THADA: variants seen among roughly 807,000 people sequenced by gnomAD.
THADA encodes THADA armadillo repeat containing, also known as tRNA (32-2'-O)-methyltransferase regulator THADA.
THADA carries 213 observed loss-of-function variants against 219.8 expected under a neutral mutation model. The ratio of observed to expected loss-of-function variants is 0.97; its 90% CI spans 0.87 to 1.09. The LOEUF (loss-of-function observed/expected upper bound fraction) is 1.09, where lower values mean the gene tolerates loss of function less well. THADA is among the 50% of genes least tolerant of loss of function. THADA has a pLI of 0.00. For synonymous variants in THADA, 1,018 were observed against 828.9 expected, an observed-to-expected ratio of 1.23 and a Z score of -3.92; for missense variants, 2,956 against 2,311.3, an observed-to-expected ratio of 1.28 and a Z score of -5.72.
intron 35 of THADA, among the ~76,000 whole-genome samples, chr2:43,286,505 C>T (rs1020197806): frequency 3.1e-4 from 47 of 152,216 alleles, no homozygotes; most frequent in Middle Eastern, 3.4e-3. Context: ...CTTTGGGAGG[C>T]TGAGGTGGGT....
intron 36 of THADA, among the ~76,000 whole-genome samples, chr2:43,240,015 C>T (rs952534744): frequency 2.6e-5 from 4 of 152,162 alleles, no homozygotes; most frequent in East Asian, 1.9e-4. Flanking sequence ...CTGACCCACA[C>T]GAAGTGTGAC....
At chr2:43,586,756 C>A (rs1057076453) in intron 5 of THADA, 22 bp from the exon 6 acceptor site, 2 of 1,611,776 alleles carry the variant, frequency 1.2e-6, no homozygotes, top group Non-Finnish European at 1.7e-6. Context: ...AAAATGAACA[C>A]TGGTAAGGAG....
chr2:43,574,262 T>C, intron 11 of THADA, 74 bp downstream of exon 11: 1 of 973,324 alleles, frequency 1.0e-6, no homozygotes, highest in African/African-American at 1.6e-5. Context: ...TTGAATATGA[T>C]TAGTATCTGC....
Position 43,571,725 on chromosome 2 carries a change from G to A in THADA, c.2046C>T (p.Ile682=). Residue 682 remains isoleucine (I), a synonymous_variant, in exon 13 of 38, where the codon ATC becomes ATT. Coordinates refer to ENST00000405975, the MANE Select transcript of THADA (RefSeq NM_022065.5). ...ATTCTACCTTTTTAAGAAGAGAACA[G>A]ATCTGTTGCCGCACTCCTGGAGACT... ...NSQSPGVRQQ[I]CSLLKKLFCR... 2 of 1,613,672 alleles carry A rather than the reference G, an allele frequency of 1.2e-6. No homozygotes were observed. The highest frequency in any genetic ancestry group is 8.5e-7 in the Non-Finnish European group (1 of 1,179,740).
chr2:43,489,812 T>C (rs1056687693), intron 25 of THADA, among the ~76,000 whole-genome samples: 2 of 150,864 alleles, frequency 1.3e-5, no homozygotes, highest in African/African-American at 2.5e-5. Flanking sequence ...AACTTTGTTC[T>C]TTTTCAAGAT....
intron 34 of THADA, 75 bp from the exon 35 acceptor site, chr2:43,287,136 C>T: frequency 7.1e-7 from 1 of 1,418,404 alleles, no homozygotes; most frequent in East Asian, 2.5e-5. Flanking sequence ...GGGTGACCTA[C>T]ACCAAACTGG....
chr2:43,366,454 T>C (rs1376717927), intron 29 of THADA, among the ~76,000 whole-genome samples: 1 of 152,160 alleles, frequency 6.6e-6, no homozygotes, highest in African/African-American at 2.4e-5. Context: ...CAATCTCCAA[T>C]TTCTCAGATC....
rs764094980 is a variant in THADA, at chr2:43,593,630, C to CTT, written c.-24-1216_-24-1215dup. Among the ~76,000 whole-genome samples the CTT allele has an allele frequency of 8.8e-3, 1,127 of 127,600 alleles. 34 individuals carry two copies. The highest frequency in any genetic ancestry group is 0.031 in the African/African-American group (997 of 31,980). The allele number at this position is 127,600 out of a possible 152,430, so 83.7% of individuals were successfully genotyped here. Reference sequence around the variant, plus strand: ...AATAGATTTATTTGTCTACTACAGACTTTTTTTTTTTTTTTTTTTTTGAGA... The same window carrying CTT: ...AATAGATTTATTTGTCTACTACAGACTTTTTTTTTTTTTTTTTTTTTTTGAGA... On this transcript the variant is annotated intron_variant, in intron 1 of 37. Transcript: ENST00000405975.
intron 29 of THADA, among the ~76,000 whole-genome samples, chr2:43,363,484 T>C (rs1393256972): frequency 1.3e-5 from 2 of 152,238 alleles, no homozygotes; most frequent in African/African-American, 2.4e-5. Flanking sequence ...CATATCTCCA[T>C]AACAGGGAGT....
rs565721105 is a variant in THADA, at chr2:43,580,312, T to C, written c.721+1429A>G. Among the ~76,000 whole-genome samples the C allele has an allele frequency of 1.7e-4, 26 of 152,158 alleles. No homozygotes were observed. The South Asian group carries it at 5.2e-3, about 30-fold the overall frequency. ...CCTTGGCCTCCCAAAGTGCTGGGAT[T>C]ACAGGCATGAGCCACCACACCCGGC... On this transcript the variant is annotated intron_variant, in intron 8 of 37. Transcript: ENST00000405975.
intron 29 of THADA, among the ~76,000 whole-genome samples, chr2:43,378,586 G>A (rs997725671): frequency 6.6e-6 from 1 of 152,154 alleles, no homozygotes; most frequent in African/African-American, 2.4e-5. Flanking sequence ...AATAACAGAT[G>A]TCATAGACAA....
chr2:43,552,937 T>C (rs1696921130), intron 17 of THADA, among the ~76,000 whole-genome samples: 3 of 152,208 alleles, frequency 2.0e-5, no homozygotes, highest in African/African-American at 7.2e-5. Flanking sequence ...GGCAAATCTA[T>C]AGACAGAAAA....
At chr2:43,542,097 T>C (rs556519530) in intron 20 of THADA, among the ~76,000 whole-genome samples, 2 of 152,336 alleles carry the variant, frequency 1.3e-5, no homozygotes, top group Admixed American at 1.3e-4. Flanking sequence ...ATTCTAGTTT[T>C]AGGAGTATTT....
At chr2:43,370,885 G>C (rs1670722113) in intron 29 of THADA, among the ~76,000 whole-genome samples, 1 of 152,196 alleles carries the variant, frequency 6.6e-6, no homozygotes, top group Non-Finnish European at 1.5e-5. Context: ...ACCTCAGCAA[G>C]ATGTCAACTA....
intron 22 of THADA, among the ~76,000 whole-genome samples, chr2:43,509,934 G>A (rs1256886644): frequency 6.6e-6 from 1 of 151,904 alleles, no homozygotes; most frequent in Non-Finnish European, 1.5e-5. Context: ...CGACACTCCT[G>A]TCCTCAGCCA....
intron 29 of THADA, among the ~76,000 whole-genome samples, chr2:43,357,468 G>T (rs988735956): frequency 6.6e-6 from 1 of 152,176 alleles, no homozygotes; most frequent in Non-Finnish European, 1.5e-5. Flanking sequence ...TCCGGCATTT[G>T]CTATCAAAAT....
intron 36 of THADA, among the ~76,000 whole-genome samples, chr2:43,238,850 C>T (rs1204987998): frequency 6.6e-6 from 1 of 152,152 alleles, no homozygotes; most frequent in East Asian, 1.9e-4. Context: ...ACAGCAGGGA[C>T]ATCAGGTGCT....
rs550940251 is a variant in THADA at position 43,545,616 on chromosome 2, C to T, written c.3106+3594G>A. Among the ~76,000 whole-genome samples the T allele has an allele frequency of 1.9e-3, 290 of 152,224 alleles. 5 individuals are homozygous for T. In the South Asian group the frequency reaches 0.029, roughly 15 times the overall value. ...TTTAGTCGTGGGAGGGTGTATGTGT[C>T]GAGGAATTTATCCATTTCTTCTAGA... is the stretch of plus-strand genomic sequence containing the variant. On this transcript the variant is annotated intron_variant, in intron 20 of 37. Transcript: ENST00000405975.
intron 22 of THADA, among the ~76,000 whole-genome samples, 186 bp downstream of exon 22, chr2:43,527,693 C>A (rs182704226): frequency 2.6e-5 from 4 of 152,080 alleles, no homozygotes; most frequent in Non-Finnish European, 4.4e-5. Flanking sequence ...TCAGTTTGGA[C>A]GTTTCAATCA....
Sources: gnomAD v4.1 joint callset for allele counts (sites outside exome capture counted in the v4.1 genomes callset) on GRCh38, gnomAD v4.1.1 for gene constraint, MANE v1.5 for transcripts, NCBI Gene and HGNC (gene_info 2026-07-23, HGNC 2026-07-21) for gene names.